Variants in TM2D1 observed in about 807,000 individuals in gnomAD.
TM2D1 encodes the protein TM2 domain-containing protein 1.
In TM2D1, 15 loss-of-function variants were observed where a neutral mutation model predicts 28.4. The ratio of observed to expected loss-of-function variants is 0.53; its 90% CI spans 0.35 to 0.81. TM2D1 has a LOEUF of 0.81. Among genes scored for constraint, TM2D1 ranks in the 40% least tolerant of loss-of-function variants. The pLI is 0.01. For synonymous variants in TM2D1, 93 were observed against 96.2 expected, an observed-to-expected ratio of 0.97 and a Z score of 0.20; for missense variants, 236 against 254.9, an observed-to-expected ratio of 0.93 and a Z score of 0.50.
At chr1:61,701,556 CGTGTGTGT>C (rs60257971) in intron 3 of TM2D1, among the ~76,000 whole-genome samples, 25 of 145,950 alleles carry the variant, frequency 1.7e-4, no homozygotes, top group South Asian at 6.7e-4. Context: ...AATTCTCTTT[CGTGTGTGT>C]GTGTGTGTGT....
At chr1:61,685,593 C>T (rs1458516433) in intron 5 of TM2D1, among the ~76,000 whole-genome samples, 1 of 152,206 alleles carries the variant, frequency 6.6e-6, no homozygotes, top group African/African-American at 2.4e-5. Context: ...GGAACTTATT[C>T]CAGTGAACTA....
chr1:61,724,698 G>C (rs1644592224), intron 1 of TM2D1, among the ~76,000 whole-genome samples: 2 of 151,654 alleles, frequency 1.3e-5, no homozygotes, highest in South Asian at 4.2e-4. Flanking sequence ...TAAGCACACT[G>C]ATAAAAAAGA....
intron 2 of TM2D1, among the ~76,000 whole-genome samples, chr1:61,721,951 TAAAAA>T (rs768461684): frequency 5.9e-4 from 26 of 43,998 alleles, no homozygotes; most frequent in African/African-American, 1.9e-3. Context: ...TCTCTACAGC[TAAAAA>T]AAAAAAAAAA....
intron 3 of TM2D1, among the ~76,000 whole-genome samples, chr1:61,704,231 C>T (rs540765663): frequency 2.2e-4 from 34 of 151,686 alleles, no homozygotes; most frequent in Non-Finnish European, 5.9e-5. Context: ...GAATATAAAA[C>T]GTATCACCAA....
intron 2 of TM2D1, among the ~76,000 whole-genome samples, chr1:61,712,210 A>G (rs139268992): frequency 6.6e-6 from 1 of 152,272 alleles, no homozygotes; most frequent in African/African-American, 2.4e-5. Context: ...CCTCCCCACA[A>G]CAATGAATTA....
intron 5 of TM2D1, among the ~76,000 whole-genome samples, chr1:61,692,363 C>T (rs115777483): frequency 0.011 from 1,730 of 151,602 alleles, 27 homozygotes; most frequent in African/African-American, 0.039. Context: ...AATCCATGCC[C>T]GATACGTTTA....
At chr1:61,693,721 T>C (rs952068555) in intron 5 of TM2D1, among the ~76,000 whole-genome samples, 2 of 152,172 alleles carry the variant, frequency 1.3e-5, no homozygotes. Context: ...TTTTAAAGCA[T>C]AATGATAACA....
chr1:61,701,441 T>G (rs1218777460), intron 3 of TM2D1, among the ~76,000 whole-genome samples: 3 of 150,742 alleles, frequency 2.0e-5, no homozygotes, highest in African/African-American at 7.3e-5. Context: ...GGGAAGTGAG[T>G]GAGATGGCCA....
intron 3 of TM2D1, among the ~76,000 whole-genome samples, chr1:61,708,252 T>C (rs916789792): frequency 1.3e-5 from 2 of 152,114 alleles, no homozygotes; most frequent in African/African-American, 4.8e-5. Context: ...TCTCCCTACT[T>C]TGCCCAGGTT....
intron 2 of TM2D1, among the ~76,000 whole-genome samples, chr1:61,715,511 GGTGACCTGCATCC>G (rs1434801461): frequency 2.0e-4 from 30 of 151,494 alleles, no homozygotes; most frequent in Middle Eastern, 3.2e-3. Flanking sequence ...AGCCAGGCAT[GGTGACCTGCATCC>G]GTAGTCCCAG....
intron 2 of TM2D1, among the ~76,000 whole-genome samples, chr1:61,723,483 T>C (rs1386795160): frequency 1.3e-5 from 2 of 152,188 alleles, no homozygotes; most frequent in African/African-American, 4.8e-5. Flanking sequence ...CCAGCCCTAT[T>C]ATTGTTTATA....
intron 3 of TM2D1, among the ~76,000 whole-genome samples, chr1:61,703,758 A>ATT (rs542875676): frequency 2.2e-5 from 2 of 90,400 alleles, no homozygotes; most frequent in Non-Finnish European, 4.4e-5. Flanking sequence ...ATATATATGC[A>ATT]TTTTTTTTTT....
At chr1:61,708,642 G>T (rs1390101414) in intron 3 of TM2D1, among the ~76,000 whole-genome samples, 1 of 152,106 alleles carries the variant, frequency 6.6e-6, no homozygotes, top group Non-Finnish European at 1.5e-5. Context: ...TGCCCTTTAT[G>T]TGCAAAAAAT....
chr1:61,701,053 T>G, intron 3 of TM2D1, 28 bp from the exon 4 acceptor site: 1 of 1,535,960 alleles, frequency 6.5e-7, no homozygotes, highest in South Asian at 1.2e-5. Flanking sequence ...CTGAGTATCA[T>G]ATTTCCAATG....
intron 5 of TM2D1, among the ~76,000 whole-genome samples, chr1:61,689,913 T>TC (rs1644311607): frequency 6.6e-6 from 1 of 152,176 alleles, no homozygotes; most frequent in Admixed American, 6.5e-5. Context: ...CCTACAAAAT[T>TC]CCTATGTTGA....
chr1:61,724,838 C>T, intron 1 of TM2D1, 119 bp downstream of exon 1: 1 of 1,144,458 alleles, frequency 8.7e-7, no homozygotes, highest in Admixed American at 3.0e-5. Context: ...TCATTAGAAG[C>T]CACAGATCAG....
intron 2 of TM2D1, among the ~76,000 whole-genome samples, chr1:61,709,826 T>G (rs1324521443): frequency 6.6e-6 from 1 of 152,236 alleles, no homozygotes; most frequent in Non-Finnish European, 1.5e-5. Flanking sequence ...TATTAAATTA[T>G]TTTAACATAA....
intron 6 of TM2D1, among the ~76,000 whole-genome samples, chr1:61,682,955 G>C (rs1362446005): frequency 2.6e-5 from 4 of 151,004 alleles, no homozygotes; most frequent in African/African-American, 9.7e-5. Flanking sequence ...CTTACAGCCA[G>C]AGCCAAACTT....
chr1:61,696,035 C>A (rs934196753), intron 4 of TM2D1: 2 of 152,148 alleles, frequency 1.3e-5, no homozygotes, highest in South Asian at 4.1e-4. Context: ...ATTTCTGCTT[C>A]CCAAACACTC....
Sources: allele counts gnomAD v4.1 joint callset (sites outside exome capture counted in the v4.1 genomes callset), GRCh38; gene constraint gnomAD v4.1.1; transcripts MANE v1.5; gene names NCBI Gene and HGNC (gene_info 2026-07-23, HGNC 2026-07-21).